The following COBLL1 variants were observed in gnomAD, a reference collection of about 807,000 sequenced individuals.
The protein encoded by COBLL1 is cordon-bleu protein-like 1.
A neutral mutation model predicts 94.8 loss-of-function variants in COBLL1; 50 were observed. The observed-to-expected ratio is 0.53, with a 90% CI of 0.42 to 0.67. The LOEUF (loss-of-function observed/expected upper bound fraction) is 0.67. Among genes scored for constraint, COBLL1 ranks in the 30% least tolerant of loss-of-function variants. The pLI, the probability that COBLL1 is intolerant of heterozygous loss-of-function variation, is 0.00. For missense variants in COBLL1, 1,362 were observed against 1,348.7 expected (o/e 1.01, Z -0.15); for synonymous variants, 448 against 473.8 (o/e 0.95, Z 0.71).
intron 2 of COBLL1, among the ~76,000 whole-genome samples, chr2:164,814,043 C>T (rs1684589981): frequency 2.6e-5 from 4 of 152,108 alleles, no homozygotes; most frequent in Non-Finnish European, 4.4e-5. Context: ...ACAAGGAATG[C>T]TACTTTTATA....
chr2:164,681,719 G>T lies in COBLL1; in HGVS notation c.*4227C>A, dbSNP rs1683051212. On this transcript the variant is annotated 3_prime_UTR_variant, in exon 14 of 14. Coordinates refer to ENST00000652658, the MANE Select transcript of COBLL1 (RefSeq NM_001365672.2). ...GCTTCTTTTTGAAAACTATACATTT[G>T]TTTGCAACTGTAGCATTTTTTTTCT... 6.6e-6 allele frequency: 1 copy of T among 152,158 alleles called. No homozygotes were observed. The highest frequency in any genetic ancestry group is 1.5e-5 in the Non-Finnish European group (1 of 68,016). 9.4% of individuals were successfully genotyped at this position (152,158 alleles called of 1,614,324 possible).
At chr2:164,770,789 A>G (rs1688167312) in intron 2 of COBLL1, among the ~76,000 whole-genome samples, 1 of 152,162 alleles carries the variant, frequency 6.6e-6, no homozygotes, top group Non-Finnish European at 1.5e-5. Context: ...GTCAGTACTT[A>G]GCAATGTCTT....
At chr2:164,686,498 CA>C (rs913996493) in intron 13 of COBLL1, among the ~76,000 whole-genome samples, 1 of 151,164 alleles carries the variant, frequency 6.6e-6, no homozygotes, top group African/African-American at 2.4e-5. Context: ...TTATTCAAAA[CA>C]AAAAAACTAG....
At chr2:164,707,955 A>G (rs1438719401) in intron 7 of COBLL1, among the ~76,000 whole-genome samples, 2 of 152,120 alleles carry the variant, frequency 1.3e-5, no homozygotes, top group African/African-American at 4.8e-5. Flanking sequence ...GCCCCCAAAG[A>G]AAAGGGTTTG....
intron 2 of COBLL1, among the ~76,000 whole-genome samples, chr2:164,798,947 G>A (rs995907079): frequency 2.2e-4 from 32 of 144,124 alleles, no homozygotes; most frequent in East Asian, 2.1e-4. Context: ...GTGAACCCGG[G>A]AGGCAGAGCT....
chr2:164,668,387 C>T (rs1691197881), intron 1 of COBLL1, among the ~76,000 whole-genome samples: 1 of 152,094 alleles, frequency 6.6e-6, no homozygotes, highest in South Asian at 2.1e-4. Context: ...GTTAATTGGC[C>T]TAGTTTCAAT....
At chr2:164,789,550 GTT>G (rs1358945965) in intron 2 of COBLL1, among the ~76,000 whole-genome samples, 1 of 152,136 alleles carries the variant, frequency 6.6e-6, no homozygotes, top group East Asian at 1.9e-4. Flanking sequence ...GAAGTGTGAA[GTT>G]TAAGTTGTTT....
Position 164,729,955 on chromosome 2 carries a change from T to C in COBLL1, c.391A>G (p.Lys131Glu). 1 of 1,614,036 alleles carries C rather than the reference T, an allele frequency of 6.2e-7. No individual in the cohort carries two copies. The highest frequency in any genetic ancestry group is 8.5e-7 in the Non-Finnish European group (1 of 1,179,954). ...LEVEKVILKP[K>E]MLDKKKPTPI... Reference sequence around the variant, plus strand: ...GTAGGTTTTTTCTTATCCAACATTTTTGGCTTTAAAATTACCTTCTCTACC... The same window carrying C: ...GTAGGTTTTTTCTTATCCAACATTTCTGGCTTTAAAATTACCTTCTCTACC... Residue 131 changes from lysine to glutamate, a missense_variant, in exon 4 of 14, where the codon AAA becomes GAA. Lys to Glu is a moderately conservative substitution (Grantham distance 56). Coordinates refer to ENST00000652658, the MANE Select transcript of COBLL1 (RefSeq NM_001365672.2).
intron 7 of COBLL1, among the ~76,000 whole-genome samples, chr2:164,712,839 G>A (rs554339198): frequency 6.6e-6 from 1 of 151,996 alleles, no homozygotes; most frequent in South Asian, 2.1e-4. Flanking sequence ...ATAATGATGA[G>A]GAAAAAAATC....
At chr2:164,717,235 A>T (rs187473013) in intron 7 of COBLL1, among the ~76,000 whole-genome samples, 2 of 152,350 alleles carry the variant, frequency 1.3e-5, no homozygotes, top group African/African-American at 2.4e-5. Context: ...TATCCTGAAC[A>T]ATAAAAATTA....
rs931885145 is a variant in COBLL1 at position 164,704,967 on chromosome 2, T to A, written c.1135A>T (p.Asn379Tyr). The A allele has an allele frequency of 1.9e-6, 3 of 1,586,712 alleles. No individual in the cohort carries two copies. In the Middle Eastern group the frequency reaches 5.1e-4, roughly 268 times the overall value. The part of the protein sequence containing the change: ...SKIPPHQSDE[N>Y]SRVTALQPVD... ...ACCACATTACCAGTCACACGACTAT[T>A]TTCATCACTTTGATGCGGGGGTATT... is the stretch of plus-strand genomic sequence containing the variant. Residue 379 changes from asparagine (N) to tyrosine (Y), a missense_variant, in exon 8 of 14, where the codon AAT (asparagine) becomes TAT (tyrosine). Coordinates refer to ENST00000652658, the MANE Select transcript of COBLL1 (RefSeq NM_001365672.2).
intron 7 of COBLL1, among the ~76,000 whole-genome samples, chr2:164,712,985 TGAAAGCA>T (rs1684980696): frequency 1.3e-5 from 2 of 152,154 alleles, no homozygotes; most frequent in African/African-American, 4.8e-5. Flanking sequence ...TTGTATTGTA[TGAAAGCA>T]TACTTGCCAG....
chr2:164,668,926 C>T (rs1039889044), intron 1 of COBLL1, among the ~76,000 whole-genome samples: 1 of 152,154 alleles, frequency 6.6e-6, no homozygotes, highest in African/African-American at 2.4e-5. Flanking sequence ...ATGGGAGAAC[C>T]TGTGCCAAGT....
intron 7 of COBLL1, among the ~76,000 whole-genome samples, chr2:164,709,384 A>G (rs991239443): frequency 1.8e-4 from 28 of 152,172 alleles, no homozygotes; most frequent in African/African-American, 6.5e-4. Context: ...GTAAATGGAT[A>G]TGCATTACTA....
chr2:164,811,341 C>G (rs1034893592), intron 2 of COBLL1, among the ~76,000 whole-genome samples: 2 of 151,876 alleles, frequency 1.3e-5, no homozygotes, highest in Non-Finnish European at 2.9e-5. Context: ...ATGTGTTTAT[C>G]AAAACTGGCA....
chr2:164,841,858 C>T (rs1338330556), upstream of COBLL1: 9 of 851,176 alleles, frequency 1.1e-5, no homozygotes, highest in African/African-American at 1.8e-5. The surrounding 1 kb of genome is among the most constrained non-coding windows in gnomAD (Gnocchi z 5.5). Context: ...CTCAGCCCAG[C>T]GCGGGCAGGG....
At chr2:164,722,560 G>A (rs1016887793) in intron 5 of COBLL1, 38 bp from the exon 6 acceptor site, 1 of 1,122,638 alleles carries the variant, frequency 8.9e-7, no homozygotes, top group South Asian at 1.8e-5. Context: ...TTGTATGTGA[G>A]GTTGACTGTT....
chr2:164,782,819 T>C (rs1251589220), intron 2 of COBLL1, among the ~76,000 whole-genome samples: 1 of 152,202 alleles, frequency 6.6e-6, no homozygotes, highest in Non-Finnish European at 1.5e-5. Flanking sequence ...ATATATCACA[T>C]TAAATGTTTA....
At position 164,715,533 on chromosome 2, in the gene COBLL1, T is replaced by C. The variant is rs1043233492; in HGVS notation, c.996+6542A>G. Among the ~76,000 whole-genome samples, 6 of 152,114 alleles carry C rather than the reference T, an allele frequency of 3.9e-5. No homozygotes were observed. In the South Asian group the frequency reaches 1.2e-3, roughly 32 times the overall value. ...CATACTCTATGTAAAATAACTAGGATTAAAATTAAGTAAAATAGCAAAATA... is the reference window on the plus strand; with the variant it reads ...CATACTCTATGTAAAATAACTAGGACTAAAATTAAGTAAAATAGCAAAATA... On this transcript the variant is annotated intron_variant, in intron 7 of 13. Transcript: ENST00000652658.
Sources: allele counts gnomAD v4.1 joint callset (sites outside exome capture counted in the v4.1 genomes callset), GRCh38; gene constraint gnomAD v4.1.1; non-coding constraint Gnocchi (gnomAD v3.1); transcripts MANE v1.5; gene names NCBI Gene and HGNC (gene_info 2026-07-23, HGNC 2026-07-21).